Variants in SYCP2 observed in about 807,000 individuals in gnomAD.
SYCP2 encodes synaptonemal complex lateral element protein.
SYCP2 carries 55 observed loss-of-function variants against 211.3 expected under a neutral mutation model. The observed-to-expected ratio is 0.26, with a 90% CI of 0.21 to 0.33. The LOEUF (loss-of-function observed/expected upper bound fraction) is 0.33. SYCP2 is among the 10% of genes least tolerant of loss of function. The probability of loss-of-function intolerance (pLI) is 1.00; values close to 1 mark genes in which losing one functional copy is unlikely to be tolerated. For synonymous variants in SYCP2, 570 were observed against 555.2 expected, an observed-to-expected ratio of 1.03 and a Z score of -0.37; for missense variants, 1,731 against 1,752.0, an observed-to-expected ratio of 0.99 and a Z score of 0.21.
intron 18 of SYCP2, among the ~76,000 whole-genome samples, chr20:59,897,806 G>A (rs1372833606): frequency 2.6e-5 from 4 of 152,130 alleles, no homozygotes; most frequent in South Asian, 2.1e-4. Context: ...AAAATGGGCC[G>A]GGTGCAGTGG....
chr20:59,871,692 T>C (rs929565115), intron 35 of SYCP2, among the ~76,000 whole-genome samples: 1 of 151,894 alleles, frequency 6.6e-6, no homozygotes, highest in Non-Finnish European at 1.5e-5. Context: ...TATAAAATGG[T>C]TCAGTATTTG....
chr20:59,933,221 C>T (rs1191770931), intron 1 of SYCP2: 2 of 152,042 alleles, frequency 1.3e-5, no homozygotes, highest in Admixed American at 1.3e-4. Flanking sequence ...CCGCCCCGCG[C>T]CTCAGCCACC....
At position 59,877,373 on chromosome 20, in the gene SYCP2, G is replaced by GTA. The variant is rs2059581630; in HGVS notation, c.3150+10_3150+11dup. On this transcript the variant is annotated intron_variant, in intron 33 of 44. Transcript: ENST00000357552. Reference sequence around the variant, plus strand: ...AGGCTTTTAGAAATTAATCTGAACTGTATCTATTTACCTTTACTGGTATGT... The same window carrying GTA: ...AGGCTTTTAGAAATTAATCTGAACTGTATATCTATTTACCTTTACTGGTATGT... The GTA allele has an allele frequency of 6.5e-7, 1 of 1,530,660 alleles. No individual in the cohort carries two copies. The highest frequency in any genetic ancestry group is 1.4e-5 in the African/African-American group (1 of 70,760). 94.8% of individuals were successfully genotyped at this position (1,530,660 alleles called of 1,614,324 possible). A position where few individuals can be genotyped will look rare whatever the true frequency, so the allele number is the denominator to read the frequency against.
intron 35 of SYCP2, among the ~76,000 whole-genome samples, chr20:59,871,009 G>A (rs1252370838): frequency 6.6e-6 from 1 of 151,830 alleles, no homozygotes; most frequent in Non-Finnish European, 1.5e-5. Flanking sequence ...CAACCCAGAA[G>A]ATTGGTAAAT....
intron 28 of SYCP2, 129 bp downstream of exon 28, chr20:59,881,813 ATAT>A (rs2059688816): frequency 1.6e-6 from 1 of 610,892 alleles, no homozygotes; most frequent in Non-Finnish European, 2.6e-6. Context: ...GTTATCCAAA[ATAT>A]TATTATATAT....
rs116936948 is a variant in SYCP2, at chr20:59,874,568, G to A, written c.3350-507C>T. Among the ~76,000 whole-genome samples the A allele has an allele frequency of 7.8e-4, 118 of 152,118 alleles. No individual in the cohort carries two copies. The East Asian group carries it at 0.023, about 29-fold the overall frequency. ...ATCTATCTCCTGAGTATGCGCTTAT[G>A]TGAAATTTCATAGTGGTCCTTAGTA... is the stretch of plus-strand genomic sequence containing the variant. On this transcript the variant is annotated intron_variant, in intron 34 of 44. Coordinates refer to ENST00000357552, the MANE Select transcript of SYCP2 (RefSeq NM_014258.4).
Position 59,881,498 on chromosome 20 carries a change from T to C in SYCP2, c.2659-6A>G. On this transcript the variant is annotated splice_polypyrimidine_tract_variant and splice_region_variant and intron_variant, in intron 28 of 44. Coordinates refer to ENST00000357552, the MANE Select transcript of SYCP2 (RefSeq NM_014258.4). ...GTAGCTTGAAACTCTTGGATCTATA[T>C]TGTAAATAAACAAAAAAAAAGAGGT... is the stretch of plus-strand genomic sequence containing the variant. 6.9e-7 allele frequency: 1 copy of C among 1,457,036 alleles called. No homozygotes were observed. Among genetic ancestry groups the C allele is most frequent in the Non-Finnish European group, 9.2e-7 (1 of 1,084,294 alleles). The allele number at this position is 1,457,036 out of a possible 1,614,324, so 90.3% of individuals were successfully genotyped here. A position where few individuals can be genotyped will look rare whatever the true frequency, so the allele number is the denominator to read the frequency against.
chr20:59,896,449 G>T lies in SYCP2; in HGVS notation c.1484C>A (p.Pro495Gln). The T allele has an allele frequency of 6.3e-7, 1 of 1,593,170 alleles. No homozygotes were observed. The highest frequency in any genetic ancestry group is 8.6e-7 in the Non-Finnish European group (1 of 1,164,456). Residue 495 changes from proline to glutamine, a missense_variant, in exon 19 of 45, where the codon CCA becomes CAA. Pro to Gln is a moderately conservative substitution (Grantham distance 76, BLOSUM62 -1). This residue lies in a region of SYCP2 where 1,387 missense variants were observed against 1,351.3 expected (regional missense o/e 1.03). Coordinates refer to ENST00000357552, the MANE Select transcript of SYCP2 (RefSeq NM_014258.4). ...CTTACATGTGTTGCTGAAAAGCACT[G>T]GACTTCTCATAGTGTATCTATCTGC... ...SGADRYTMRS[P>Q]VLFSNTSIPP...
intron 34 of SYCP2, 58 bp downstream of exon 34, chr20:59,875,209 ATAAT>A: frequency 2.8e-6 from 3 of 1,065,742 alleles, no homozygotes; most frequent in Non-Finnish European, 4.0e-6. Flanking sequence ...GTATTTTCCC[ATAAT>A]TAGAGTTATA....
chr20:59,891,367 G>A (rs897835617), intron 24 of SYCP2, among the ~76,000 whole-genome samples: 1 of 151,864 alleles, frequency 6.6e-6, no homozygotes, highest in Admixed American at 6.6e-5. Context: ...TTCTTCCCTG[G>A]AAGTCTGGTG....
intron 28 of SYCP2, 54 bp from the exon 29 acceptor site, chr20:59,881,546 T>C (rs2059681386): frequency 1.2e-6 from 1 of 865,300 alleles, no homozygotes; most frequent in Non-Finnish European, 1.7e-6. Flanking sequence ...ATAAAAAAGA[T>C]TAAAAGGAAT....
intron 26 of SYCP2, among the ~76,000 whole-genome samples, chr20:59,884,578 C>T (rs933825331): frequency 1.1e-4 from 16 of 151,842 alleles, no homozygotes; most frequent in Non-Finnish European, 1.3e-4. Flanking sequence ...TTTATATAGA[C>T]GTATTTGCAT....
At position 59,880,490 on chromosome 20, in the gene SYCP2, A is replaced by T. The variant is rs1421878701; in HGVS notation, c.2773-19T>A. The stretch of plus-strand genomic sequence containing the variant: ...TTATAATCTATAAAAAAAAGTTTGA[A>T]ATGCATGAAGAAATACTACATCTCA... On this transcript the variant is annotated intron_variant, in intron 30 of 44. Coordinates refer to ENST00000357552, the MANE Select transcript of SYCP2 (RefSeq NM_014258.4). The T allele has an allele frequency of 6.9e-7, 1 of 1,457,786 alleles. No individual in the cohort carries two copies. The highest frequency in any genetic ancestry group is 9.3e-7 in the Non-Finnish European group (1 of 1,075,684). 90.3% of individuals were successfully genotyped at this position (1,457,786 alleles called of 1,614,324 possible).
intron 3 of SYCP2, among the ~76,000 whole-genome samples, chr20:59,922,055 C>T (rs371588829): frequency 6.6e-6 from 1 of 151,664 alleles, no homozygotes; most frequent in East Asian, 1.9e-4. Context: ...ATTATTAACA[C>T]TTACACTTTA....
intron 7 of SYCP2, 131 bp from the exon 8 acceptor site, chr20:59,916,702 G>C: frequency 1.7e-6 from 1 of 589,254 alleles, no homozygotes; most frequent in African/African-American, 1.9e-5. Context: ...CACTTTGGAA[G>C]GCCCAGATAG....
chr20:59,916,678 G>A, intron 7 of SYCP2, 107 bp from the exon 8 acceptor site: 1 of 728,080 alleles, frequency 1.4e-6, no homozygotes, highest in East Asian at 2.8e-5. Flanking sequence ...GGTAACTCAG[G>A]CCTATAATCC....
At position 59,896,478 on chromosome 20, in the gene SYCP2, A is replaced by G. The variant is rs1190313377; in HGVS notation, c.1455T>C (p.Ser485=). The part of the protein sequence containing the change: ...RKMSEASMIV[S]GADRYTMRSP... Reference sequence around the variant, plus strand: ...TTCTCATAGTGTATCTATCTGCACCAGAAACAATCATTGATGCTTCAGACA... The same window carrying G: ...TTCTCATAGTGTATCTATCTGCACCGGAAACAATCATTGATGCTTCAGACA... The change falls in exon 19 of 45, where the codon TCT becomes TCC. Residue 485 remains serine, a synonymous_variant. Coordinates refer to ENST00000357552, the MANE Select transcript of SYCP2 (RefSeq NM_014258.4). 6.2e-7 allele frequency: 1 copy of G among 1,611,170 alleles called. No individual in the cohort carries two copies. Among genetic ancestry groups the G allele is most frequent in the Non-Finnish European group, 8.5e-7 (1 of 1,178,248 alleles).
At chr20:59,899,465 A>T (rs765616144) in intron 18 of SYCP2, among the ~76,000 whole-genome samples, 1 of 152,196 alleles carries the variant, frequency 6.6e-6, no homozygotes, top group Non-Finnish European at 1.5e-5. Context: ...TCACATTATG[A>T]ACATGAAGGA....
At chr20:59,884,945 A>G (rs993794730) in intron 26 of SYCP2, among the ~76,000 whole-genome samples, 3 of 152,066 alleles carry the variant, frequency 2.0e-5, no homozygotes, top group Non-Finnish European at 2.9e-5. Flanking sequence ...ATTCTTGCCA[A>G]ATGGGTTTTT....
Sources: gnomAD v4.1 joint callset for allele counts (sites outside exome capture counted in the v4.1 genomes callset) on GRCh38, gnomAD v4.1.1 for gene constraint, gnomAD v4.1.1 regional missense constraint, MANE v1.5 for transcripts, NCBI Gene and HGNC (gene_info 2026-07-23, HGNC 2026-07-21) for gene names.